The following USP53 variants were observed in gnomAD, a reference collection of about 807,000 sequenced individuals.
The protein encoded by USP53 is ubiquitin specific peptidase 53, also known as ubiquitin carboxyl-terminal hydrolase 53.
Under a neutral mutation model 94.9 loss-of-function variants are expected in USP53, and 71 were observed. That is an observed-to-expected ratio of 0.75 (90% CI 0.62 to 0.91). USP53 has a LOEUF of 0.91. Among genes scored for constraint, USP53 ranks in the 40% least tolerant of loss-of-function variants. USP53 has a pLI of 0.00. For synonymous variants in USP53, 375 were observed against 422.7 expected (o/e 0.89, Z 1.39); for missense variants, 1,173 against 1,281.0 (o/e 0.92, Z 1.29).
Position 119,272,009 on chromosome 4 carries a change from G to T in USP53, c.2149G>T (p.Gly717Cys). 2 of 1,596,774 alleles carry T rather than the reference G, an allele frequency of 1.3e-6. No homozygotes were observed. The highest frequency in any genetic ancestry group is 2.3e-5 in the South Asian group (2 of 87,358). The change falls in exon 16 of 19, where the codon GGT (glycine) becomes TGT (cysteine). Residue 717 changes from glycine to cysteine, a missense_variant. Gly to Cys is a radical substitution (Grantham distance 159). Coordinates refer to ENST00000692078, the MANE Select transcript of USP53 (RefSeq NM_001371395.1). The part of the protein sequence containing the change: ...DGNGTVMDIS[G>C]VKETVCFSDQ... ...AAATGGTACAGTAATGGATATCAGT[G>T]GTGTTAAAGAAACAGTATGCTTCAG...
intron 14 of USP53, among the ~76,000 whole-genome samples, chr4:119,269,392 A>G (rs539461105): frequency 3.3e-5 from 5 of 152,326 alleles, no homozygotes; most frequent in South Asian, 2.1e-4. Flanking sequence ...GAGTAAGACA[A>G]CTGGCAAATA....
At chr4:119,251,308 T>C (rs1410158792) in intron 7 of USP53, among the ~76,000 whole-genome samples, 1 of 152,230 alleles carries the variant, frequency 6.6e-6, no homozygotes, top group African/African-American at 2.4e-5. Flanking sequence ...CTATCATCGA[T>C]GAACATTTGG....
At chr4:119,280,098 T>C (rs1208028852) in intron 17 of USP53, among the ~76,000 whole-genome samples, 9 of 152,324 alleles carry the variant, frequency 5.9e-5, no homozygotes, top group Admixed American at 4.6e-4. Flanking sequence ...ACTGGAGCTG[T>C]TCCTATTCGG....
At chr4:119,263,159 T>C (rs1253117803) in intron 12 of USP53, among the ~76,000 whole-genome samples, 1 of 152,228 alleles carries the variant, frequency 6.6e-6, no homozygotes, top group Non-Finnish European at 1.5e-5. Flanking sequence ...GACTTCTGAT[T>C]CTACCCATGA....
Position 119,288,864 on chromosome 4 carries a change from G to A in USP53, c.2252-2301G>A, listed in dbSNP as rs1436035040. Among the ~76,000 whole-genome samples the A allele has an allele frequency of 2.0e-5, 3 of 151,626 alleles. No homozygotes were observed. In the East Asian group the frequency reaches 5.8e-4, roughly 30 times the overall value. On this transcript the variant is annotated intron_variant, in intron 17 of 18. Transcript: ENST00000692078. The stretch of plus-strand genomic sequence containing the variant: ...GAGGCAGGACAATTGCTTGAGCCTG[G>A]GAGGCGGAGGTTGCAGTGAGCCGAG...
chr4:119,290,218 G>A (rs1754592594), intron 17 of USP53, among the ~76,000 whole-genome samples: 1 of 152,132 alleles, frequency 6.6e-6, no homozygotes, highest in East Asian at 1.9e-4. Context: ...GAGAAAAAAT[G>A]ATTAATTTGG....
rs142005756 is a variant in USP53, at chr4:119,249,660, A to AT, written c.372+800dup. On this transcript the variant is annotated intron_variant, in intron 7 of 18. Coordinates refer to ENST00000692078, the MANE Select transcript of USP53 (RefSeq NM_001371395.1). The stretch of plus-strand genomic sequence containing the variant: ...CATTCAACCTGTTTATTTATGTCCT[A>AT]TTTTTTTTTTTTTTTTTTTTTTGAG... 1.7e-3 allele frequency among the ~76,000 whole-genome samples: 167 copies of AT among 99,714 alleles called. 1 individual carries two copies. The highest frequency in any genetic ancestry group is 5.2e-3 in the Middle Eastern group (1 of 194). 65.4% of individuals were successfully genotyped at this position (99,714 alleles called of 152,430 possible).
intron 5 of USP53, among the ~76,000 whole-genome samples, chr4:119,240,545 A>G (rs1481086193): frequency 6.6e-6 from 1 of 152,190 alleles, no homozygotes; most frequent in Non-Finnish European, 1.5e-5. Flanking sequence ...ACCATTGTAG[A>G]GTACTAAAGA....
chr4:119,218,081 A>C (rs531382348), intron 3 of USP53: 9 of 152,388 alleles, frequency 5.9e-5, no homozygotes, highest in Non-Finnish European at 1.0e-4. Context: ...AGATGTGATG[A>C]TGGCCAAGAC....
intron 17 of USP53, among the ~76,000 whole-genome samples, chr4:119,275,706 G>A (rs536423470): frequency 3.2e-4 from 49 of 151,998 alleles, no homozygotes; most frequent in East Asian, 1.7e-3. Flanking sequence ...CCATTTTCAC[G>A]ATATTGATTC....
intron 3 of USP53, among the ~76,000 whole-genome samples, chr4:119,225,796 A>T: frequency 6.6e-6 from 1 of 152,156 alleles, no homozygotes; most frequent in East Asian, 1.9e-4. Flanking sequence ...TCAGACAAAG[A>T]TATCACAAGA....
rs1260156886 is a variant in USP53, at chr4:119,259,299, G to A, written c.570-521G>A. On this transcript the variant is annotated intron_variant, in intron 9 of 18. Coordinates refer to ENST00000692078, the MANE Select transcript of USP53 (RefSeq NM_001371395.1). ...CCATCTCAAAAAAAAAAAAAAAGGG[G>A]GGGGAGTAATATTCAAAATAAGAAC... is the stretch of plus-strand genomic sequence containing the variant. 4.0e-5 allele frequency among the ~76,000 whole-genome samples: 6 copies of A among 151,664 alleles called. 1 individual carries two copies. The East Asian group carries it at 1.2e-3, about 29-fold the overall frequency.
Position 119,261,725 on chromosome 4 carries a change from G to C in USP53, c.833G>C (p.Arg278Thr). The C allele has an allele frequency of 4.5e-6, 7 of 1,569,112 alleles. No homozygotes were observed. The highest frequency in any genetic ancestry group is 6.1e-6 in the Non-Finnish European group (7 of 1,148,714). ...THLYLPGLFY[R>T]VTDENAKNSE... The stretch of plus-strand genomic sequence containing the variant: ...AATTTTTTTAAACAGCTTTTTTATA[G>C]AGTTACTGATGAAAATGCCAAAAAT... The change falls in exon 12 of 19, where the codon AGA (arginine) becomes ACA (threonine). Residue 278 changes from arginine to threonine, a missense_variant. Arg to Thr is a moderately conservative substitution (Grantham distance 71, BLOSUM62 -1). Transcript: ENST00000692078.
chr4:119,253,544 G>A (rs368748226), intron 7 of USP53, among the ~76,000 whole-genome samples: 4 of 151,998 alleles, frequency 2.6e-5, no homozygotes, highest in Non-Finnish European at 5.9e-5. Flanking sequence ...TGCAACCCCT[G>A]CTTTTTTTTT....
At chr4:119,276,127 A>G (rs1578547884) in intron 17 of USP53, among the ~76,000 whole-genome samples, 1 of 101,154 alleles carries the variant, frequency 9.9e-6, no homozygotes, top group South Asian at 3.5e-4. Context: ...CAGAACTTCC[A>G]ACACTATGTT....
At chr4:119,273,478 A>C (rs917864707) in intron 16 of USP53, 154 bp from the exon 17 acceptor site, 6 of 505,976 alleles carry the variant, frequency 1.2e-5, no homozygotes, top group Non-Finnish European at 2.1e-5. Flanking sequence ...TGTAAAATGA[A>C]GATAACAACT....
In USP53 at chr4:119,254,032, G is replaced by T. The variant is rs192227661; in HGVS notation, c.373-2214G>T. ...GTTGAAAATTCTTTTCTTTAAGAATGTTGAATATTGGCCCCCACTCTCTTC... is the reference window on the plus strand; with the variant it reads ...GTTGAAAATTCTTTTCTTTAAGAATTTTGAATATTGGCCCCCACTCTCTTC... On this transcript the variant is annotated intron_variant, in intron 7 of 18. Transcript: ENST00000692078. Among the ~76,000 whole-genome samples, 896 of 152,296 alleles carry T rather than the reference G, an allele frequency of 5.9e-3. 11 individuals carry two copies. Among genetic ancestry groups the T allele is most frequent in the African/African-American group, 0.02 (852 of 41,570 alleles).
At chr4:119,231,365 G>A (rs751321958) in intron 3 of USP53, among the ~76,000 whole-genome samples, 6 of 152,032 alleles carry the variant, frequency 3.9e-5, no homozygotes, top group Non-Finnish European at 7.4e-5. Context: ...ATTGGGTTTC[G>A]GAGGTTGAAG....
chr4:119,253,221 T>C (rs1749279862), intron 7 of USP53, among the ~76,000 whole-genome samples: 1 of 152,182 alleles, frequency 6.6e-6, no homozygotes, highest in African/African-American at 2.4e-5. Context: ...GTTCTGTAGA[T>C]GTCTATTAGG....
Sources: allele counts gnomAD v4.1 joint callset (sites outside exome capture counted in the v4.1 genomes callset), GRCh38; gene constraint gnomAD v4.1.1; transcripts MANE v1.5; gene names NCBI Gene and HGNC (gene_info 2026-07-23, HGNC 2026-07-21).